Variants in SPHKAP observed in about 807,000 individuals in gnomAD.
SPHKAP encodes A-kinase anchor protein SPHKAP.
A neutral mutation model predicts 137.5 loss-of-function variants in SPHKAP; 67 were observed. The observed-to-expected ratio is 0.49, with a 90% confidence interval of 0.40 to 0.60. The LOEUF (loss-of-function observed/expected upper bound fraction) is 0.60. Ranked by LOEUF, SPHKAP falls within the 20% of genes least tolerant of loss-of-function variation. SPHKAP has a pLI of 0.00. For synonymous variants in SPHKAP, 813 were observed against 785.3 expected (o/e 1.04, Z -0.59); for missense variants, 2,097 against 2,069.3 (o/e 1.01, Z -0.26).
Position 228,017,412 on chromosome 2 carries a change from G to T in SPHKAP, c.3442C>A (p.Leu1148Met), listed in dbSNP as rs763507783. 6.2e-7 allele frequency: 1 copy of T among 1,614,100 alleles called. No individual in the cohort carries two copies. The part of the protein sequence containing the change: ...ENEGRGFELL[L>M]DYYAGKNASS... ...GCGTTCTTGCCAGCATAGTAATCCAGCAGTAACTCAAATCCTCTCCCTTCA... is the reference window on the plus strand; with the variant it reads ...GCGTTCTTGCCAGCATAGTAATCCATCAGTAACTCAAATCCTCTCCCTTCA... The change falls in exon 7 of 12, where the codon CTG (leucine) becomes ATG (methionine). Residue 1148 changes from leucine to methionine, a missense_variant. Coordinates refer to ENST00000392056, the MANE Select transcript of SPHKAP (RefSeq NM_001142644.2).
intron 1 of SPHKAP, among the ~76,000 whole-genome samples, chr2:228,135,813 G>A (rs1227226024): frequency 6.6e-6 from 1 of 152,106 alleles, no homozygotes; most frequent in African/African-American, 2.4e-5. Context: ...ATTACTAGAT[G>A]ACAAGTGTAA....
At chr2:228,161,039 G>C (rs1016924941) in intron 1 of SPHKAP, among the ~76,000 whole-genome samples, 1 of 152,242 alleles carries the variant, frequency 6.6e-6, no homozygotes, top group African/African-American at 2.4e-5. Flanking sequence ...AGTGGATAAG[G>C]TAGGTGTTAA....
At chr2:228,010,197 T>C (rs1026662435) in intron 7 of SPHKAP, among the ~76,000 whole-genome samples, 1 of 152,192 alleles carries the variant, frequency 6.6e-6, no homozygotes, top group Non-Finnish European at 1.5e-5. Context: ...GTACAATGTA[T>C]GAAATCAGTT....
At chr2:228,027,637 T>G in intron 3 of SPHKAP, 94 bp from the exon 4 acceptor site, 1 of 1,254,970 alleles carries the variant, frequency 8.0e-7, no homozygotes, top group Non-Finnish European at 1.1e-6. Flanking sequence ...GCAAATGCTT[T>G]GGGAGTCTTC....
chr2:228,175,700 G>T (rs565564953), intron 1 of SPHKAP, among the ~76,000 whole-genome samples: 1 of 151,918 alleles, frequency 6.6e-6, no homozygotes, highest in Non-Finnish European at 1.5e-5. Flanking sequence ...TAACAAATGC[G>T]AATGGTCTTA....
At chr2:228,147,611 A>G (rs756396768) in intron 1 of SPHKAP, among the ~76,000 whole-genome samples, 3 of 152,164 alleles carry the variant, frequency 2.0e-5, no homozygotes, top group Non-Finnish European at 2.9e-5. Context: ...TACGAGTTCG[A>G]CCTTGGGAAA....
rs528066618 is a variant in SPHKAP, at chr2:228,133,913, T to C, written c.33-1828A>G. ...CAGAGTAATTAAAATAAAATCTGTTTTGTTAAAATTTTTTATATATTACTT... is the reference window on the plus strand; with the variant it reads ...CAGAGTAATTAAAATAAAATCTGTTCTGTTAAAATTTTTTATATATTACTT... On this transcript the variant is annotated intron_variant, in intron 1 of 11. Transcript: ENST00000392056. Among the ~76,000 whole-genome samples, 12 of 152,262 alleles carry C rather than the reference T, an allele frequency of 7.9e-5. No individual in the cohort carries two copies. The South Asian group carries it at 2.5e-3, about 32-fold the overall frequency.
intron 3 of SPHKAP, among the ~76,000 whole-genome samples, chr2:228,035,776 T>C (rs571267038): frequency 6.6e-6 from 1 of 152,126 alleles, no homozygotes; most frequent in Non-Finnish European, 1.5e-5. Context: ...AAACAAGCAA[T>C]GGGGAAAGGA....
intron 1 of SPHKAP, among the ~76,000 whole-genome samples, chr2:228,175,007 C>T (rs1488421066): frequency 7.0e-6 from 1 of 142,266 alleles, no homozygotes. Context: ...TACAAATTAT[C>T]CATCTGAAAA....
Position 228,080,132 on chromosome 2 carries a change from C to T in SPHKAP, c.246+28700G>A, listed in dbSNP as rs150793107. On this transcript the variant is annotated intron_variant, in intron 3 of 11. Transcript: ENST00000392056. ...AAGCAAAAATAGACAAATAGAATTA[C>T]ATCAAACTAAAAAGCTTCTGCACCG... 6.3e-3 allele frequency among the ~76,000 whole-genome samples: 951 copies of T among 151,648 alleles called. 12 individuals carry two copies. Among genetic ancestry groups the T allele is most frequent in the East Asian group, 0.029 (147 of 5,154 alleles).
chr2:228,099,028 T>C (rs181136196), intron 3 of SPHKAP, among the ~76,000 whole-genome samples: 150 of 152,298 alleles, frequency 9.8e-4, no homozygotes, highest in African/African-American at 3.5e-3. Flanking sequence ...AGAAGCTCTT[T>C]AGTTTAATCA....
intron 3 of SPHKAP, among the ~76,000 whole-genome samples, chr2:228,104,849 G>A (rs1023654645): frequency 2.0e-5 from 3 of 152,146 alleles, no homozygotes; most frequent in African/African-American, 7.2e-5. Context: ...AATGGTCAAG[G>A]TAATGTTAAT....
chr2:228,092,167 GTA>G (rs1436012033), intron 3 of SPHKAP, among the ~76,000 whole-genome samples: 4 of 105,128 alleles, frequency 3.8e-5, no homozygotes, highest in African/African-American at 1.5e-4. Flanking sequence ...ATATATGTGT[GTA>G]CACACACATG....
intron 3 of SPHKAP, among the ~76,000 whole-genome samples, chr2:228,092,262 C>T (rs13386078): frequency 0.31 from 43,774 of 141,822 alleles, 6,965 homozygotes; most frequent in Admixed American, 0.4. Flanking sequence ...TGTGTGTATA[C>T]GTACACACAC....
At position 228,093,859 on chromosome 2, in the gene SPHKAP, C is replaced by CAAAAAAAAAAAAAAAAA. The variant is rs11336381; in HGVS notation, c.246+14956_246+14972dup. ...TGGGCGACAGGGCAAGACTCCGTTT[C>CAAAAAAAAAAAAAAAAA]AAAAAAAAAAAAAAAAAAAAAAAAA... On this transcript the variant is annotated intron_variant, in intron 3 of 11. Transcript: ENST00000392056. Among the ~76,000 whole-genome samples, 3 of 77,110 alleles carry CAAAAAAAAAAAAAAAAA rather than the reference C, an allele frequency of 3.9e-5. 1 individual carries two copies. Among genetic ancestry groups the CAAAAAAAAAAAAAAAAA allele is most frequent in the Admixed American group, 1.9e-4 (1 of 5,278 alleles). 50.6% of individuals were successfully genotyped at this position (77,110 alleles called of 152,430 possible).
At chr2:228,034,839 G>A (rs4442989) in intron 3 of SPHKAP, among the ~76,000 whole-genome samples, 23,771 of 152,086 alleles carry the variant, frequency 0.16, 1,976 homozygotes, top group Non-Finnish European at 0.19. Context: ...AACGCTTCAT[G>A]CTAAAAACTC....
At position 228,157,472 on chromosome 2, in the gene SPHKAP, G is replaced by T. The variant is rs200413720; in HGVS notation, c.32+24095C>A. On this transcript the variant is annotated intron_variant, in intron 1 of 11. Coordinates refer to ENST00000392056, the MANE Select transcript of SPHKAP (RefSeq NM_001142644.2). ...TGAATGTATATTTGAATATTCCAAG[G>T]TTTTCTACTCATAGCCTCAAAAAAG... 6.6e-5 allele frequency among the ~76,000 whole-genome samples: 10 copies of T among 152,154 alleles called. No individual in the cohort carries two copies. In the East Asian group the frequency reaches 1.9e-3, roughly 29 times the overall value.
At chr2:228,133,651 T>C (rs907159006) in intron 1 of SPHKAP, among the ~76,000 whole-genome samples, 4 of 152,330 alleles carry the variant, frequency 2.6e-5, no homozygotes, top group East Asian at 3.9e-4. Flanking sequence ...ATGCAACATG[T>C]AGATGGTTTC....
chr2:228,144,530 A>AT (rs1425224083), intron 1 of SPHKAP, among the ~76,000 whole-genome samples: 1 of 151,812 alleles, frequency 6.6e-6, no homozygotes, highest in Non-Finnish European at 1.5e-5. Flanking sequence ...TATTTGTGAT[A>AT]TTTTTTCTTG....
Sources: gnomAD v4.1 joint callset for allele counts (sites outside exome capture counted in the v4.1 genomes callset) on GRCh38, gnomAD v4.1.1 for gene constraint, MANE v1.5 for transcripts, NCBI Gene and HGNC (gene_info 2026-07-23, HGNC 2026-07-21) for gene names.